Variants in CDKN2B-AS1 observed in about 807,000 individuals in gnomAD.
CDKN2B-AS1 encodes CDKN2B antisense RNA 1 (non-protein coding).
rs1014502187 is a variant in CDKN2B-AS1 at position 22,001,520 on chromosome 9, A to C, written n.29+6359A>C. Among the ~76,000 whole-genome samples, 3 of 152,062 alleles carry C rather than the reference A, an allele frequency of 2.0e-5. No individual in the cohort carries two copies. The highest frequency in any genetic ancestry group is 7.2e-5 in the African/African-American group (3 of 41,424). ...AGTAAGTCAGGCTTGGTGCTTTTTG[A>C]CCCATACATTAATTTTCATTACTGT... On this transcript the variant is annotated intron_variant and non_coding_transcript_variant, in intron 1 of 4. Coordinates refer to ENST00000650946, the Ensembl canonical transcript of CDKN2B-AS1. The surrounding 1 kb of genome is among the most constrained non-coding windows in gnomAD (Gnocchi z 4.2).
At chr9:22,010,296 A>G (rs377673524) in intron 1 of CDKN2B-AS1, among the ~76,000 whole-genome samples, 178 of 152,314 alleles carry the variant, frequency 1.2e-3, no homozygotes, top group African/African-American at 4.2e-3. Flanking sequence ...TACTTAAAAT[A>G]TTTAAAACAT....
chr9:22,035,775 A>T (rs1420570533), intron 1 of CDKN2B-AS1, among the ~76,000 whole-genome samples: 2 of 152,144 alleles, frequency 1.3e-5, no homozygotes, highest in African/African-American at 4.8e-5. Context: ...TGCCTGATAG[A>T]AGTCAGACTC....
chr9:22,024,420 G>A (rs1405899492), intron 1 of CDKN2B-AS1, among the ~76,000 whole-genome samples: 1 of 152,220 alleles, frequency 6.6e-6, no homozygotes, highest in African/African-American at 2.4e-5. Flanking sequence ...TTTTTGTGGG[G>A]AACAGGAGGC....
At chr9:22,084,648 A>G (rs1057169025) in intron 4 of CDKN2B-AS1, among the ~76,000 whole-genome samples, 1 of 152,162 alleles carries the variant, frequency 6.6e-6, no homozygotes, top group African/African-American at 2.4e-5. Flanking sequence ...GGGCATATCC[A>G]ACTTTGGGTT....
intron 4 of CDKN2B-AS1, among the ~76,000 whole-genome samples, chr9:22,109,507 A>T (rs998152818): frequency 6.6e-6 from 1 of 152,192 alleles, no homozygotes; most frequent in Non-Finnish European, 1.5e-5. Flanking sequence ...TTATTGAAGG[A>T]ATAATGACAA....
intron 1 of CDKN2B-AS1, among the ~76,000 whole-genome samples, chr9:22,018,366 A>G (rs1821870219): frequency 6.7e-6 from 1 of 149,500 alleles, no homozygotes; most frequent in Non-Finnish European, 1.5e-5. Flanking sequence ...TACTGATAAC[A>G]TATGCCATGG....
Position 22,039,395 on chromosome 9 carries a change from C to G in CDKN2B-AS1, n.30-7356C>G, listed in dbSNP as rs1043822816. Among the ~76,000 whole-genome samples, 1 of 151,984 alleles carries G rather than the reference C, an allele frequency of 6.6e-6. No homozygotes were observed. Among genetic ancestry groups the G allele is most frequent in the Non-Finnish European group, 1.5e-5 (1 of 67,962 alleles). On this transcript the variant is annotated intron_variant and non_coding_transcript_variant, in intron 1 of 4. Transcript: ENST00000650946. This position sits in a 1 kb window ranked among gnomAD's most constrained non-coding sequence, Gnocchi z 4.4. ...CTTGTCCTTCACCTTCCTGTGGCAA[C>G]AAGAGTCAATTCTCCATATATAAAT...
intron 1 of CDKN2B-AS1, among the ~76,000 whole-genome samples, chr9:22,036,206 A>G (rs1822682917): frequency 6.6e-6 from 1 of 152,150 alleles, no homozygotes. Flanking sequence ...AATTGAAATT[A>G]TATTGTGCAT....
intron 4 of CDKN2B-AS1, among the ~76,000 whole-genome samples, chr9:22,060,144 G>A (rs1823754954): frequency 6.6e-6 from 1 of 152,220 alleles, no homozygotes; most frequent in Admixed American, 6.5e-5. Flanking sequence ...TCTACAGCTA[G>A]CTTGAATTTC....
In CDKN2B-AS1 at chr9:22,045,038, T is replaced by TTGTGTGTGTGTGTG. The variant is rs3028395; in HGVS notation, n.30-1693_30-1680dup. On this transcript the variant is annotated intron_variant and non_coding_transcript_variant, in intron 1 of 4. Transcript: ENST00000650946. ...TTTCTTTTGGAAAAATATTATTTAT[T>TTGTGTGTGTGTGTG]TGTGTGTGTGTGTGTGTGTGTGTGT... Among the ~76,000 whole-genome samples the TTGTGTGTGTGTGTG allele has an allele frequency of 9.3e-3, 1,321 of 141,912 alleles. 22 individuals carry two copies. The highest frequency in any genetic ancestry group is 0.031 in the African/African-American group (1,118 of 36,540). The allele number at this position is 141,912 out of a possible 152,430, so 93.1% of individuals were successfully genotyped here.
At chr9:22,023,445 T>C (rs1407175088) in intron 1 of CDKN2B-AS1, among the ~76,000 whole-genome samples, 1 of 152,050 alleles carries the variant, frequency 6.6e-6, no homozygotes, top group Non-Finnish European at 1.5e-5. Flanking sequence ...CATTATGAAA[T>C]TTTGGGGGTT....
At chr9:22,076,524 A>G (rs1423298071) in intron 4 of CDKN2B-AS1, among the ~76,000 whole-genome samples, 4 of 152,240 alleles carry the variant, frequency 2.6e-5, no homozygotes, top group Non-Finnish European at 4.4e-5. Flanking sequence ...TTTAAGGTAT[A>G]CAACACGGTG....
At chr9:22,126,067 C>G (rs909875413) in intron 4 of CDKN2B-AS1, among the ~76,000 whole-genome samples, 1 of 152,124 alleles carries the variant, frequency 6.6e-6, no homozygotes, top group African/African-American at 2.4e-5. Context: ...ACTTTTGACT[C>G]CCCCAAAACT....
At chr9:22,028,176 C>G (rs1394947875) in intron 1 of CDKN2B-AS1, among the ~76,000 whole-genome samples, 2 of 151,840 alleles carry the variant, frequency 1.3e-5, no homozygotes, top group African/African-American at 4.8e-5. Context: ...TCAGCTCCTC[C>G]CATCTGATAA....
chr9:22,029,674 T>C, intron 1 of CDKN2B-AS1: 1 of 486,478 alleles, frequency 2.1e-6, no homozygotes, highest in East Asian at 3.1e-5. Context: ...CTCTTCCAAA[T>C]TTAATCTTTA....
chr9:22,068,907 G>T (rs1824175963), intron 4 of CDKN2B-AS1, among the ~76,000 whole-genome samples: 1 of 152,156 alleles, frequency 6.6e-6, no homozygotes, highest in Non-Finnish European at 1.5e-5. Context: ...GGCAATCAGG[G>T]CCCCTGGCCT....
At chr9:22,116,059 C>G (rs546600599) in intron 4 of CDKN2B-AS1, among the ~76,000 whole-genome samples, 1 of 152,268 alleles carries the variant, frequency 6.6e-6, no homozygotes, top group Non-Finnish European at 1.5e-5. Flanking sequence ...GCTCAACATT[C>G]TCTTAGCTTC....
intron 4 of CDKN2B-AS1, chr9:22,096,243 C>T (rs1276789086): frequency 6.6e-6 from 1 of 152,178 alleles, no homozygotes; most frequent in African/African-American, 2.4e-5. Context: ...AGCATTTATT[C>T]ATTTATTCAG....
At chr9:22,011,198 C>T (rs978906356) in intron 1 of CDKN2B-AS1, among the ~76,000 whole-genome samples, 5 of 152,174 alleles carry the variant, frequency 3.3e-5, no homozygotes, top group African/African-American at 1.2e-4. Flanking sequence ...TTCCAAAGCC[C>T]CTTTTCTCCC....
Sources: gnomAD v4.1 joint callset for allele counts (sites outside exome capture counted in the v4.1 genomes callset) on GRCh38, gnomAD v4.1.1 for gene constraint, Gnocchi (gnomAD v3.1) non-coding constraint, MANE v1.5 for transcripts, NCBI Gene and HGNC (gene_info 2026-07-23, HGNC 2026-07-21) for gene names.